Variants in GTF2F2 observed in about 807,000 individuals in gnomAD.
GTF2F2 encodes the protein general transcription factor IIF subunit 2.
A neutral mutation model predicts 42.2 loss-of-function variants in GTF2F2; 23 were observed. The observed-to-expected ratio is 0.55, with a 90% CI of 0.39 to 0.77. GTF2F2 has a LOEUF of 0.77. Ranked by LOEUF, GTF2F2 falls within the 30% of genes least tolerant of loss-of-function variation. The pLI is 0.00. For synonymous variants in GTF2F2, 105 were observed against 100.8 expected (o/e 1.04, Z -0.25); for missense variants, 261 against 287.2 (o/e 0.91, Z 0.66).
intron 4 of GTF2F2, among the ~76,000 whole-genome samples, chr13:45,187,571 C>G (rs902830487): frequency 9.2e-5 from 14 of 152,158 alleles, no homozygotes; most frequent in Non-Finnish European, 1.5e-5. Flanking sequence ...AAATATTTCT[C>G]TCTGTCCAGC....
chr13:45,125,567 C>G (rs1276046969), intron 1 of GTF2F2, among the ~76,000 whole-genome samples: 1 of 152,112 alleles, frequency 6.6e-6, no homozygotes, highest in Non-Finnish European at 1.5e-5. Flanking sequence ...CGTGATCTGC[C>G]CGTCTCGGCC....
chr13:45,203,034 A>G (rs1176032351), intron 4 of GTF2F2, among the ~76,000 whole-genome samples: 3 of 152,334 alleles, frequency 2.0e-5, no homozygotes, highest in African/African-American at 4.8e-5. Flanking sequence ...TTTGCTTTGA[A>G]TATAGGATAC....
At chr13:45,169,816 A>G (rs1265988195) in intron 4 of GTF2F2, among the ~76,000 whole-genome samples, 3 of 152,122 alleles carry the variant, frequency 2.0e-5, no homozygotes, top group Admixed American at 2.0e-4. Flanking sequence ...TTTTTTTTAC[A>G]TGTCTTCAGT....
At chr13:45,169,434 T>A (rs539773602) in intron 4 of GTF2F2, among the ~76,000 whole-genome samples, 1 of 152,164 alleles carries the variant, frequency 6.6e-6, no homozygotes, top group Non-Finnish European at 1.5e-5. Context: ...ATCTTGGACT[T>A]CAGCCCCCAG....
chr13:45,144,543 G>A lies in GTF2F2; in HGVS notation c.141-5227G>A, dbSNP rs569256400. ...TGGCGCGATCTCGGCTTGGGTTCAC[G>A]CCATTCTCCTGCCTCAGCCTCCCGA... On this transcript the variant is annotated intron_variant, in intron 2 of 7. Transcript: ENST00000340473. Among the ~76,000 whole-genome samples the A allele has an allele frequency of 7.9e-4, 108 of 136,078 alleles. 2 individuals are homozygous for A. The highest frequency in any genetic ancestry group is 1.4e-3 in the Non-Finnish European group (94 of 65,570). 89.3% of individuals were successfully genotyped at this position (136,078 alleles called of 152,430 possible). A position where few individuals can be genotyped will look rare whatever the true frequency, so the allele number is the denominator to read the frequency against.
chr13:45,241,733 T>C (rs1875320888), intron 5 of GTF2F2, among the ~76,000 whole-genome samples: 1 of 152,174 alleles, frequency 6.6e-6, no homozygotes, highest in South Asian at 2.1e-4. Context: ...ACTGTAAGCC[T>C]TATGATTTGA....
At chr13:45,207,978 G>A (rs1566135541) in intron 5 of GTF2F2, among the ~76,000 whole-genome samples, 1 of 152,088 alleles carries the variant, frequency 6.6e-6, no homozygotes, top group Non-Finnish European at 1.5e-5. Flanking sequence ...GCAACATGGT[G>A]ATATCCTATC....
At chr13:45,197,283 G>T (rs911176709) in intron 4 of GTF2F2, among the ~76,000 whole-genome samples, 1 of 151,020 alleles carries the variant, frequency 6.6e-6, no homozygotes, top group South Asian at 2.1e-4. Flanking sequence ...GGTCACTTGA[G>T]GCCAGGAGTT....
chr13:45,165,289 A>G lies in GTF2F2; in HGVS notation c.304+13458A>G, dbSNP rs578020134. 2.6e-3 allele frequency among the ~76,000 whole-genome samples: 383 copies of G among 147,446 alleles called. 1 individual carries two copies. The highest frequency in any genetic ancestry group is 8.9e-3 in the African/African-American group (362 of 40,604). Reference sequence around the variant, plus strand: ...TATTTATATATAATATATACCCATTATCCATTAGATTTATATCTAAAATAT... The same window carrying G: ...TATTTATATATAATATATACCCATTGTCCATTAGATTTATATCTAAAATAT... On this transcript the variant is annotated intron_variant, in intron 4 of 7. Transcript: ENST00000340473.
chr13:45,180,641 A>C (rs1038334755), intron 4 of GTF2F2, among the ~76,000 whole-genome samples: 3 of 152,112 alleles, frequency 2.0e-5, no homozygotes, highest in African/African-American at 7.2e-5. Flanking sequence ...TTATTTCTAC[A>C]TGTTTATTAT....
chr13:45,164,907 A>G (rs1871201976), intron 4 of GTF2F2, among the ~76,000 whole-genome samples: 1 of 152,246 alleles, frequency 6.6e-6, no homozygotes. Context: ...TTCTGATACA[A>G]AGTGCCTAGA....
chr13:45,189,352 G>A (rs906657407), intron 4 of GTF2F2, among the ~76,000 whole-genome samples: 9 of 152,040 alleles, frequency 5.9e-5, no homozygotes, highest in African/African-American at 1.2e-4. Flanking sequence ...GAATAGTGCC[G>A]CAATAAACAT....
intron 5 of GTF2F2, among the ~76,000 whole-genome samples, chr13:45,245,195 T>C (rs1875523434): frequency 6.6e-6 from 1 of 152,192 alleles, no homozygotes; most frequent in Non-Finnish European, 1.5e-5. Context: ...TAAAATGTGG[T>C]GAATCCCATA....
intron 5 of GTF2F2, among the ~76,000 whole-genome samples, chr13:45,229,333 A>G (rs1312349063): frequency 6.6e-6 from 1 of 151,566 alleles, no homozygotes; most frequent in Non-Finnish European, 1.5e-5. Flanking sequence ...TTCTTTGTAC[A>G]GCAAATTCCT....
chr13:45,180,676 C>T (rs1872109718), intron 4 of GTF2F2, among the ~76,000 whole-genome samples: 1 of 151,844 alleles, frequency 6.6e-6, no homozygotes, highest in South Asian at 2.1e-4. Context: ...ATCTAAGTTA[C>T]CTTACTTTGT....
intron 1 of GTF2F2, among the ~76,000 whole-genome samples, 154 bp downstream of exon 1, chr13:45,120,875 C>T (rs949995281): frequency 3.3e-5 from 5 of 152,194 alleles, no homozygotes; most frequent in Admixed American, 2.6e-4. Flanking sequence ...ATTGTTGTAT[C>T]TGTTTGCAGA....
rs574638834 is a variant in GTF2F2, at chr13:45,270,961, T to C, written c.630+3585T>C. The stretch of plus-strand genomic sequence containing the variant: ...AACAGCGTTCATTTACCAGTGTTCC[T>C]GTACAGCATACTTGTATTAAAAAGT... On this transcript the variant is annotated intron_variant, in intron 7 of 7. Coordinates refer to ENST00000340473, the MANE Select transcript of GTF2F2 (RefSeq NM_004128.3). 2.5e-4 allele frequency among the ~76,000 whole-genome samples: 38 copies of C among 152,334 alleles called. 1 individual carries two copies. The highest frequency in any genetic ancestry group is 6.2e-4 in the South Asian group (3 of 4,832).
chr13:45,193,751 G>A (rs1872749202), intron 4 of GTF2F2: 1 of 1,532,454 alleles, frequency 6.5e-7, no homozygotes, highest in Admixed American at 2.2e-5. Flanking sequence ...AAGCTTGCTG[G>A]CTGCATGCTT....
At chr13:45,265,183 C>T (rs1000370696) in intron 6 of GTF2F2, among the ~76,000 whole-genome samples, 1 of 151,616 alleles carries the variant, frequency 6.6e-6, no homozygotes, top group Admixed American at 6.6e-5. Context: ...CACTTGAACC[C>T]AGGAGGTGGA....
Sources: gnomAD v4.1 joint callset for allele counts (sites outside exome capture counted in the v4.1 genomes callset) on GRCh38, gnomAD v4.1.1 for gene constraint, MANE v1.5 for transcripts, NCBI Gene and HGNC (gene_info 2026-07-23, HGNC 2026-07-21) for gene names.